The following ANOS1 variants were observed in gnomAD, a reference collection of about 807,000 sequenced individuals.
ANOS1 encodes anosmin-1.
Under a neutral mutation model 59.0 loss-of-function variants are expected in ANOS1, and 6 were observed. The observed-to-expected ratio is 0.10, with a 90% CI of 0.06 to 0.20. The LOEUF (loss-of-function observed/expected upper bound fraction) is 0.20, where lower values mean the gene tolerates loss of function less well. Ranked by LOEUF, ANOS1 falls within the 10% of genes least tolerant of loss-of-function variation. The pLI is 1.00. For synonymous variants in ANOS1, 217 were observed against 223.4 expected (o/e 0.97, Z 0.25); for missense variants, 433 against 542.3 (o/e 0.80, Z 2.00).
chrX:8,663,364 T>C (rs1215296768), intron 2 of ANOS1, among the ~76,000 whole-genome samples: 3 of 111,574 alleles, frequency 2.7e-5, no homozygotes, highest in Non-Finnish European at 5.6e-5. Context: ...CATTCTTAGC[T>C]CATGAGCCAT....
chrX:8,552,022 G>A (rs900896472), intron 9 of ANOS1, among the ~76,000 whole-genome samples: 54 of 112,391 alleles, frequency 4.8e-4, no homozygotes, highest in African/African-American at 1.6e-3. Flanking sequence ...AAGCACTCAT[G>A]CAGGACAGAG....
intron 3 of ANOS1, among the ~76,000 whole-genome samples, chrX:8,618,908 C>A (rs1218360726): frequency 9.2e-6 from 1 of 108,398 alleles, no homozygotes; most frequent in East Asian, 2.9e-4. Flanking sequence ...CCCATCTCTA[C>A]TAAAAATACA....
chrX:8,581,165 T>G (rs1361234056), intron 6 of ANOS1, among the ~76,000 whole-genome samples: 1 of 99,263 alleles, frequency 1.0e-5, no homozygotes, highest in African/African-American at 5.1e-5. Context: ...AATTCCCACA[T>G]GTTGTGGGAG....
At chrX:8,537,582 T>C (rs1332611011) in intron 10 of ANOS1, among the ~76,000 whole-genome samples, 3 of 111,547 alleles carry the variant, frequency 2.7e-5, no homozygotes, top group African/African-American at 9.8e-5. Context: ...CCATTCTGTT[T>C]TGTATTTACC....
intron 1 of ANOS1, among the ~76,000 whole-genome samples, chrX:8,708,755 A>C (rs1164099299): frequency 8.9e-6 from 1 of 112,158 alleles, no homozygotes; most frequent in East Asian, 2.8e-4. Flanking sequence ...CAGCAATCCC[A>C]TTACTGGGTA....
rs776302520 is a variant in ANOS1, at chrX:8,725,145, C to T, written c.207+6685G>A. On this transcript the variant is annotated intron_variant, in intron 1 of 13. Transcript: ENST00000262648. ...TATTCCTATTTCATAAATAAAAATG[C>T]CTTTTGATAATATGGATATGCTTCA... Among the ~76,000 whole-genome samples the T allele has an allele frequency of 3.6e-5, 4 of 111,446 alleles. No individual in the cohort carries two copies. The South Asian group carries it at 1.1e-3, about 31-fold the overall frequency.
intron 9 of ANOS1, among the ~76,000 whole-genome samples, chrX:8,540,654 A>G (rs1438009301): frequency 9.2e-6 from 1 of 108,364 alleles, no homozygotes; most frequent in Non-Finnish European, 1.9e-5. Context: ...TTTGCAGGTG[A>G]TTTAACATCT....
chrX:8,664,701 T>C (rs772960509), intron 2 of ANOS1, among the ~76,000 whole-genome samples: 46 of 111,320 alleles, frequency 4.1e-4, no homozygotes, highest in African/African-American at 1.5e-3. Flanking sequence ...AGGTGTAAGT[T>C]AAGAGGAGAG....
At chrX:8,598,717 C>T (rs1028280756) in intron 3 of ANOS1, among the ~76,000 whole-genome samples, 2 of 112,146 alleles carry the variant, frequency 1.8e-5, no homozygotes, top group Non-Finnish European at 3.8e-5. Context: ...ACTACTATTC[C>T]ATTAAAGACA....
chrX:8,586,090 T>C (rs1374463026), intron 5 of ANOS1, among the ~76,000 whole-genome samples: 2 of 112,305 alleles, frequency 1.8e-5, no homozygotes, highest in Non-Finnish European at 3.8e-5. Context: ...CAATGTTCTG[T>C]GTTTTGTTTC....
At chrX:8,608,720 T>C (rs765065808) in intron 3 of ANOS1, among the ~76,000 whole-genome samples, 1 of 111,605 alleles carries the variant, frequency 9.0e-6, no homozygotes, top group Non-Finnish European at 1.9e-5. Flanking sequence ...TGGGAGTAAT[T>C]GAATCATGGG....
At chrX:8,648,713 C>T (rs1463567227) in intron 2 of ANOS1, among the ~76,000 whole-genome samples, 1 of 111,874 alleles carries the variant, frequency 8.9e-6, no homozygotes, top group Non-Finnish European at 1.9e-5. Flanking sequence ...AGAAATTACA[C>T]TTATTATCAA....
chrX:8,628,323 A>G (rs1393021866), intron 2 of ANOS1, among the ~76,000 whole-genome samples: 1 of 112,155 alleles, frequency 8.9e-6, no homozygotes, highest in East Asian at 2.8e-4. Flanking sequence ...CTTATTTAGC[A>G]TATAATCTAG....
intron 2 of ANOS1, among the ~76,000 whole-genome samples, chrX:8,652,628 T>C (rs995322319): frequency 2.7e-5 from 3 of 111,580 alleles, no homozygotes; most frequent in Non-Finnish European, 5.6e-5. Context: ...TTAAGAAATA[T>C]CACGTTCTAA....
chrX:8,717,428 C>A (rs912006147), intron 1 of ANOS1, among the ~76,000 whole-genome samples: 1 of 110,939 alleles, frequency 9.0e-6, no homozygotes, highest in Admixed American at 9.6e-5. Context: ...TAAAAAATTT[C>A]TTTGCAGCTG....
intron 2 of ANOS1, among the ~76,000 whole-genome samples, chrX:8,671,364 C>T (rs1218606887): frequency 9.0e-6 from 1 of 111,080 alleles, no homozygotes; most frequent in African/African-American, 3.3e-5. Context: ...TCCTATCTTT[C>T]TTAGCATAGT....
intron 4 of ANOS1, among the ~76,000 whole-genome samples, chrX:8,592,563 G>C (rs1252183769): frequency 9.0e-6 from 1 of 111,365 alleles, no homozygotes; most frequent in Non-Finnish European, 1.9e-5. Context: ...GAAGCCAAGA[G>C]AGGCAGTGGG....
At chrX:8,698,586 T>C (rs1932717291) in intron 2 of ANOS1, among the ~76,000 whole-genome samples, 1 of 111,993 alleles carries the variant, frequency 8.9e-6, no homozygotes, top group South Asian at 3.7e-4. Context: ...TACCAGAAAA[T>C]GTCTGGACAG....
At chrX:8,729,712 T>TAAAAAAAAAAAAAAAAAA (rs1173021674) in intron 1 of ANOS1, among the ~76,000 whole-genome samples, 1 of 63,087 alleles carries the variant, frequency 1.6e-5, no homozygotes, top group African/African-American at 5.9e-5. Context: ...TTCTAATTAT[T>TAAAAAAAAAAAAAAAAAA]AAAAAAAAAA....
Sources: gnomAD v4.1 joint callset for allele counts (sites outside exome capture counted in the v4.1 genomes callset) on GRCh38, gnomAD v4.1.1 for gene constraint, MANE v1.5 for transcripts, NCBI Gene and HGNC (gene_info 2026-07-23, HGNC 2026-07-21) for gene names.